The following TRIM2 variants were observed in gnomAD, a reference collection of about 807,000 sequenced individuals.
The protein encoded by TRIM2 is tripartite motif containing 2, also known as tripartite motif-containing protein 2.
A neutral mutation model predicts 75.2 loss-of-function variants in TRIM2; 20 were observed. The observed-to-expected ratio is 0.27, with a 90% CI of 0.19 to 0.39. The LOEUF is 0.39. Ranked by LOEUF, TRIM2 falls within the 10% of genes least tolerant of loss-of-function variation. TRIM2 has a pLI of 1.00. For missense variants in TRIM2, 660 were observed against 990.8 expected (o/e 0.67, Z 4.48); for synonymous variants, 373 against 388.3 (o/e 0.96, Z 0.46).
At chr4:153,334,205 T>C (rs1156763209) in intron 11 of TRIM2, among the ~76,000 whole-genome samples, 8 of 152,046 alleles carry the variant, frequency 5.3e-5, no homozygotes, top group Admixed American at 6.6e-5. Context: ...GTGACCACTA[T>C]AGGAATACAA....
intron 1 of TRIM2, among the ~76,000 whole-genome samples, chr4:153,220,239 A>G (rs898402881): frequency 6.6e-6 from 1 of 152,008 alleles, no homozygotes; most frequent in Non-Finnish European, 1.5e-5. Flanking sequence ...CCCAGTAAAT[A>G]TAAGACGTAG....
chr4:153,192,584 G>A (rs907287799), intron 1 of TRIM2, among the ~76,000 whole-genome samples: 7 of 138,476 alleles, frequency 5.1e-5, no homozygotes, highest in Non-Finnish European at 7.6e-5. Context: ...CCCAGCCAGA[G>A]TGACAGAGAC....
Position 153,337,569 on chromosome 4 carries a change from C to CATATGTGCAT in TRIM2, c.*2604_*2613dup, listed in dbSNP as rs1196641043. 48 of 985,622 alleles carry CATATGTGCAT rather than the reference C, an allele frequency of 4.9e-5. No homozygotes were observed. The highest frequency in any genetic ancestry group is 5.5e-5 in the Non-Finnish European group (46 of 829,936). The allele number at this position is 985,622 out of a possible 1,614,324, so 61.1% of individuals were successfully genotyped here. A position where few individuals can be genotyped will look rare whatever the true frequency, so the allele number is the denominator to read the frequency against. On this transcript the variant is annotated 3_prime_UTR_variant, in exon 12 of 12. Transcript: ENST00000338700. Reference sequence around the variant, plus strand: ...ATAGATAACATTTCACACTTGGATACATATGTGCATTTACTGTATTTCTTG... The same window carrying CATATGTGCAT: ...ATAGATAACATTTCACACTTGGATACATATGTGCATATATGTGCATTTACTGTATTTCTTG...
At chr4:153,298,235 G>T (rs1763146203) in intron 6 of TRIM2, among the ~76,000 whole-genome samples, 1 of 152,218 alleles carries the variant, frequency 6.6e-6, no homozygotes, top group African/African-American at 2.4e-5. Flanking sequence ...ATGAAGTAAA[G>T]ATGCTGTCTT....
At chr4:153,254,408 A>T (rs1399478207) in intron 1 of TRIM2, among the ~76,000 whole-genome samples, 6 of 152,218 alleles carry the variant, frequency 3.9e-5, no homozygotes, top group African/African-American at 1.4e-4. Context: ...ATTCAGCTGG[A>T]TGGAAACAGT....
intron 4 of TRIM2, among the ~76,000 whole-genome samples, chr4:153,293,855 C>T (rs189851429): frequency 6.2e-4 from 94 of 152,200 alleles, no homozygotes; most frequent in Admixed American, 2.5e-3. Flanking sequence ...CTCAGCCATT[C>T]GGCAATGCCT....
intron 1 of TRIM2, among the ~76,000 whole-genome samples, chr4:153,247,869 C>T (rs553201241): frequency 5.9e-5 from 9 of 151,538 alleles, no homozygotes; most frequent in African/African-American, 9.7e-5. Context: ...GAGCCCAGCT[C>T]CAGGAGTAAA....
Position 153,248,990 on chromosome 4 carries a change from G to A in TRIM2, c.31-21345G>A, listed in dbSNP as rs1320354383. 6.6e-6 allele frequency among the ~76,000 whole-genome samples: 1 copy of A among 152,220 alleles called. No individual in the cohort carries two copies. Among genetic ancestry groups the A allele is most frequent in the Admixed American group, 6.5e-5 (1 of 15,288 alleles). ...TAGCAGGCAAAGAGCTGTGGACCCCGGACACGGGAAAAGGCCACAGTCGGG... is the reference window on the plus strand; with the variant it reads ...TAGCAGGCAAAGAGCTGTGGACCCCAGACACGGGAAAAGGCCACAGTCGGG... On this transcript the variant is annotated intron_variant, in intron 1 of 11. Coordinates refer to ENST00000338700, the MANE Select transcript of TRIM2 (RefSeq NM_015271.5). The surrounding 1 kb of genome is among the most constrained non-coding windows in gnomAD (Gnocchi z 4.0).
chr4:153,337,364 T>C lies in TRIM2; in HGVS notation c.*2398T>C, dbSNP rs146723676. The C allele has an allele frequency of 6.1e-6, 6 of 985,854 alleles. No individual in the cohort carries two copies. The Admixed American group carries it at 3.7e-4, about 61-fold the overall frequency. 61.1% of individuals were successfully genotyped at this position (985,854 alleles called of 1,614,324 possible). A position where few individuals can be genotyped will look rare whatever the true frequency, so the allele number is the denominator to read the frequency against. ...ATATCATATCCTATCAGGCTAGATA[T>C]CTCAATAGTAGACTGAATACAAAGC... On this transcript the variant is annotated 3_prime_UTR_variant, in exon 12 of 12. Transcript: ENST00000338700.
chr4:153,199,841 A>G (rs2149676093), upstream of TRIM2, among the ~76,000 whole-genome samples: 1 of 151,878 alleles, frequency 6.6e-6, no homozygotes, highest in African/African-American at 2.4e-5. Context: ...TGGTACCATC[A>G]TAGGTCATTG....
At chr4:153,237,149 G>C (rs1375080108) in intron 1 of TRIM2, among the ~76,000 whole-genome samples, 1 of 151,924 alleles carries the variant, frequency 6.6e-6, no homozygotes, top group Non-Finnish European at 1.5e-5. Context: ...TGGGGGTTGG[G>C]GTGTGGGAAA....
intron 1 of TRIM2, among the ~76,000 whole-genome samples, chr4:153,262,581 T>C (rs777184178): frequency 6.6e-6 from 1 of 152,216 alleles, no homozygotes; most frequent in Non-Finnish European, 1.5e-5. Flanking sequence ...ACAATAGTGA[T>C]GTTATCTGTA....
chr4:153,288,308 G>A (rs576288000), intron 3 of TRIM2, among the ~76,000 whole-genome samples: 19 of 152,054 alleles, frequency 1.2e-4, no homozygotes, highest in South Asian at 1.2e-3. Flanking sequence ...ATGGTGGCGC[G>A]CACCTGTAAT....
chr4:153,303,681 T>C (rs1214996664), intron 6 of TRIM2, among the ~76,000 whole-genome samples: 1 of 152,234 alleles, frequency 6.6e-6, no homozygotes, highest in Non-Finnish European at 1.5e-5. Flanking sequence ...GTGACATACA[T>C]ACTAAGCTTT....
At chr4:153,265,314 T>G (rs918110585) in intron 1 of TRIM2, among the ~76,000 whole-genome samples, 9 of 151,514 alleles carry the variant, frequency 5.9e-5, no homozygotes, top group East Asian at 1.9e-4. Context: ...GAAAAGTTTT[T>G]TTTTGTTTTG....
At chr4:153,198,310 G>C (rs887542538) in intron 1 of TRIM2, among the ~76,000 whole-genome samples, 2 of 152,132 alleles carry the variant, frequency 1.3e-5, no homozygotes, top group African/African-American at 4.8e-5. Flanking sequence ...CCCACAGGGA[G>C]GTAATTGAAT....
chr4:153,289,446 T>A (rs1435610972), intron 3 of TRIM2, among the ~76,000 whole-genome samples: 1 of 152,198 alleles, frequency 6.6e-6, no homozygotes, highest in Non-Finnish European at 1.5e-5. Context: ...TAACATCACT[T>A]CCCTGTAATC....
intron 1 of TRIM2, among the ~76,000 whole-genome samples, chr4:153,209,045 T>C (rs989674808): frequency 6.6e-6 from 1 of 152,120 alleles, no homozygotes; most frequent in Admixed American, 6.5e-5. Flanking sequence ...GCCCATTTTA[T>C]GAAAAACCCT....
chr4:153,311,244 C>T (rs1002214487), intron 6 of TRIM2, among the ~76,000 whole-genome samples: 2 of 152,200 alleles, frequency 1.3e-5, no homozygotes, highest in Admixed American at 6.5e-5. Flanking sequence ...ACTTTTTCCT[C>T]ATATTTTCCC....
Sources: allele counts gnomAD v4.1 joint callset (sites outside exome capture counted in the v4.1 genomes callset), GRCh38; gene constraint gnomAD v4.1.1; non-coding constraint Gnocchi (gnomAD v3.1); transcripts MANE v1.5; gene names NCBI Gene and HGNC (gene_info 2026-07-23, HGNC 2026-07-21).